The following EFHC2 variants were observed in gnomAD, a reference collection of about 807,000 sequenced individuals.
EFHC2 encodes the protein EF-hand domain-containing family member C2.
In EFHC2, 18 loss-of-function variants were observed where a neutral mutation model predicts 52.7. The observed-to-expected ratio is 0.34, with a 90% CI of 0.24 to 0.51. The LOEUF is 0.51. Among genes scored for constraint, EFHC2 ranks in the 20% least tolerant of loss-of-function variants. The probability of loss-of-function intolerance (pLI) is 0.97; values close to 1 mark genes in which losing one functional copy is unlikely to be tolerated. For synonymous variants in EFHC2, 203 were observed against 204.1 expected (o/e 0.99, Z 0.04); for missense variants, 513 against 562.5 (o/e 0.91, Z 0.89).
intron 4 of EFHC2, among the ~76,000 whole-genome samples, chrX:44,256,856 T>A (rs1354167436): frequency 9.0e-6 from 1 of 110,736 alleles, no homozygotes; most frequent in Non-Finnish European, 1.9e-5. Context: ...AAAAGGAAAT[T>A]TCAGGCCAAT....
chrX:44,210,166 A>T (rs1436075625), intron 11 of EFHC2, among the ~76,000 whole-genome samples: 2 of 111,575 alleles, frequency 1.8e-5, no homozygotes, highest in Non-Finnish European at 3.8e-5. Flanking sequence ...AAGGTTGAGG[A>T]CCACTGTTAT....
intron 2 of EFHC2, among the ~76,000 whole-genome samples, chrX:44,274,987 C>A (rs1218616062): frequency 9.0e-6 from 1 of 110,859 alleles, no homozygotes; most frequent in East Asian, 2.8e-4. Flanking sequence ...TTTCAGTGTA[C>A]GTAATATTTA....
At chrX:44,212,219 A>G (rs1475131586) in intron 11 of EFHC2, among the ~76,000 whole-genome samples, 1 of 111,317 alleles carries the variant, frequency 9.0e-6, no homozygotes, top group Non-Finnish European at 1.9e-5. Context: ...CCCCACTTCT[A>G]AAAAAGAACA....
At position 44,239,523 on chromosome X, in the gene EFHC2, G is replaced by A. The variant is rs139943435; in HGVS notation, c.1280+2598C>T. Among the ~76,000 whole-genome samples, 531 of 111,989 alleles carry A rather than the reference G, an allele frequency of 4.7e-3. 5 individuals are homozygous for A. Among genetic ancestry groups the A allele is most frequent in the African/African-American group, 0.014 (445 of 30,857 alleles). ...CACTGTTATATGTATAGGTTCTGTCGAAAGACAGGTAAATTCCAGAAGTCA... is the reference window on the plus strand; with the variant it reads ...CACTGTTATATGTATAGGTTCTGTCAAAAGACAGGTAAATTCCAGAAGTCA... On this transcript the variant is annotated intron_variant, in intron 8 of 14. Transcript: ENST00000420999.
chrX:44,248,144 A>C (rs2037414496), intron 7 of EFHC2, 128 bp downstream of exon 7: 1 of 557,119 alleles, frequency 1.8e-6, no homozygotes, highest in Non-Finnish European at 2.7e-6. Context: ...AACGGCTGGA[A>C]GATAGCAAAT....
chrX:44,217,089 C>T (rs775772082), intron 11 of EFHC2, among the ~76,000 whole-genome samples: 3 of 111,961 alleles, frequency 2.7e-5, no homozygotes, highest in African/African-American at 6.5e-5. Flanking sequence ...CAAAAGAAGA[C>T]ATACAAATGG....
intron 11 of EFHC2, among the ~76,000 whole-genome samples, chrX:44,184,680 G>A (rs913671623): frequency 3.0e-5 from 3 of 99,347 alleles, no homozygotes; most frequent in Non-Finnish European, 4.0e-5. Flanking sequence ...CTGAGATTGC[G>A]CCATTGCACT....
intron 11 of EFHC2, among the ~76,000 whole-genome samples, chrX:44,209,393 T>C (rs749783499): frequency 1.5e-3 from 166 of 110,586 alleles, no homozygotes; most frequent in Non-Finnish European, 2.8e-3. Flanking sequence ...AATGTCTTTA[T>C]TCACAGACGA....
rs758681421 is a variant in EFHC2 at position 44,163,916 on chromosome X, T to A, written c.2148+6A>T. On this transcript the variant is annotated splice_donor_region_variant and intron_variant, in intron 14 of 14. Transcript: ENST00000420999. ...AGATGGTTTTTAAAATAGGTATTCA[T>A]TTTACCTCTTTAAGGTATGATGCTG... The A allele has an allele frequency of 1.8e-6, 2 of 1,136,832 alleles. No homozygotes were observed. Among genetic ancestry groups the A allele is most frequent in the Non-Finnish European group, 2.4e-6 (2 of 845,436 alleles). The allele number at this position is 1,136,832 out of a possible 1,213,427, so 93.7% of individuals were successfully genotyped here.
At chrX:44,156,980 G>A (rs1243765204) in intron 14 of EFHC2, among the ~76,000 whole-genome samples, 1 of 111,458 alleles carries the variant, frequency 9.0e-6, no homozygotes, top group Non-Finnish European at 1.9e-5. Flanking sequence ...GCTGCTGATG[G>A]GCCAGGCAGA....
At chrX:44,272,490 T>C (rs1477047477) in intron 3 of EFHC2, among the ~76,000 whole-genome samples, 196 bp downstream of exon 3, 1 of 111,833 alleles carries the variant, frequency 8.9e-6, no homozygotes, top group Non-Finnish European at 1.9e-5. Flanking sequence ...ACCCAGCCAA[T>C]GTTGACATGC....
chrX:44,194,876 C>A (rs917342132), intron 11 of EFHC2, among the ~76,000 whole-genome samples: 3 of 111,148 alleles, frequency 2.7e-5, no homozygotes, highest in African/African-American at 9.8e-5. Flanking sequence ...GCTCATTTGT[C>A]GCAATGGTAA....
chrX:44,339,292 A>G (rs747804565), intron 1 of EFHC2, among the ~76,000 whole-genome samples: 55 of 111,417 alleles, frequency 4.9e-4, no homozygotes, highest in African/African-American at 1.7e-3. Flanking sequence ...TGCAGAAAGG[A>G]TTTTTGGCTT....
At chrX:44,239,185 T>C (rs2037342507) in intron 8 of EFHC2, among the ~76,000 whole-genome samples, 1 of 112,203 alleles carries the variant, frequency 8.9e-6, no homozygotes, top group East Asian at 2.8e-4. Context: ...ACAATATCTG[T>C]AACAAGACAG....
At chrX:44,253,649 T>A (rs1249578313) in intron 4 of EFHC2, among the ~76,000 whole-genome samples, 1 of 112,070 alleles carries the variant, frequency 8.9e-6, no homozygotes, top group Non-Finnish European at 1.9e-5. Flanking sequence ...AAAACTCCCA[T>A]CTTCCTGGGA....
chrX:44,225,166 C>T (rs5953354), intron 11 of EFHC2, among the ~76,000 whole-genome samples: 31,995 of 107,449 alleles, frequency 0.3, 3,924 homozygotes, highest in African/African-American at 0.42. Flanking sequence ...CAAAAAGATT[C>T]TAAAGAGGAT....
chrX:44,174,651 AG>A lies in EFHC2; in HGVS notation c.2042+1640del, dbSNP rs370737090. On this transcript the variant is annotated intron_variant, in intron 13 of 14. Coordinates refer to ENST00000420999, the MANE Select transcript of EFHC2 (RefSeq NM_025184.4). ...AGCAAGGGAAAAGGCCAAAAAAAAA[AG>A]GGGGGGGGAGGGGGAAGGCAGGAGG... Among the ~76,000 whole-genome samples, 210 of 56,981 alleles carry A rather than the reference AG, an allele frequency of 3.7e-3. No individual in the cohort carries two copies. The South Asian group carries it at 0.041, about 11-fold the overall frequency. 49.5% of individuals were successfully genotyped at this position (56,981 alleles called of 115,157 possible). A position where few individuals can be genotyped will look rare whatever the true frequency, so the allele number is the denominator to read the frequency against.
intron 11 of EFHC2, among the ~76,000 whole-genome samples, chrX:44,219,602 T>C (rs914930396): frequency 6.3e-5 from 7 of 111,786 alleles, no homozygotes. Flanking sequence ...ATTTTCTGGA[T>C]GTTTTAAAAT....
chrX:44,267,539 G>A (rs1188861763), intron 3 of EFHC2, among the ~76,000 whole-genome samples: 2 of 111,720 alleles, frequency 1.8e-5, no homozygotes, highest in South Asian at 3.8e-4. Context: ...GATAATAGAG[G>A]CAACCAAAAG....
Sources: gnomAD v4.1 joint callset for allele counts (sites outside exome capture counted in the v4.1 genomes callset) on GRCh38, gnomAD v4.1.1 for gene constraint, MANE v1.5 for transcripts, NCBI Gene and HGNC (gene_info 2026-07-23, HGNC 2026-07-21) for gene names.